Variants in FOXO3 observed in about 807,000 individuals in gnomAD.
FOXO3 encodes forkhead box O3.
In FOXO3, 4 loss-of-function variants were observed where a neutral mutation model predicts 41.9. That is an observed-to-expected ratio of 0.10 (90% CI 0.05 to 0.22). The LOEUF (loss-of-function observed/expected upper bound fraction) is 0.22. FOXO3 is among the 10% of genes least tolerant of loss of function. The pLI is 1.00. For synonymous variants in FOXO3, 318 were observed against 389.3 expected (o/e 0.82, Z 2.16); for missense variants, 534 against 906.8 (o/e 0.59, Z 5.28).
At chr6:108,628,690 C>T (rs1404734425) in intron 1 of FOXO3, among the ~76,000 whole-genome samples, 2 of 152,090 alleles carry the variant, frequency 1.3e-5, no homozygotes, top group Non-Finnish European at 2.9e-5. Context: ...AAGTTCTAAG[C>T]AAGTTCAGCA....
At chr6:108,650,246 C>G (rs891739363) in intron 1 of FOXO3, among the ~76,000 whole-genome samples, 1 of 152,168 alleles carries the variant, frequency 6.6e-6, no homozygotes, top group African/African-American at 2.4e-5. Context: ...CCCTGGAGCA[C>G]AGGGACACGT....
intron 1 of FOXO3, among the ~76,000 whole-genome samples, chr6:108,568,390 G>A (rs1002256701): frequency 6.6e-6 from 1 of 152,032 alleles, no homozygotes; most frequent in African/African-American, 2.4e-5. Context: ...CACTGGAGTC[G>A]CTGTGTTTCT....
chr6:108,610,436 T>G (rs772446514), intron 1 of FOXO3, among the ~76,000 whole-genome samples: 1 of 152,206 alleles, frequency 6.6e-6, no homozygotes, highest in Non-Finnish European at 1.5e-5. Context: ...GTGAAAGTCA[T>G]GGGACTGGAC....
chr6:108,561,649 G>C lies in FOXO3; in HGVS notation c.441G>C (p.Pro147=). Residue 147 remains proline (P), a synonymous_variant, in exon 1 of 3, where the codon CCG becomes CCC. Transcript: ENST00000406360. The part of the protein sequence containing the change: ...QPGAAGGSGQ[P]RKCSSRRNAW... ...GGGCGGCTGGGGGCTCCGGGCAGCCGAGGAAATGTTCGTCGCGGCGGAACG... is the reference window on the plus strand; with the variant it reads ...GGGCGGCTGGGGGCTCCGGGCAGCCCAGGAAATGTTCGTCGCGGCGGAACG... 8 of 1,591,710 alleles carry C rather than the reference G, an allele frequency of 5.0e-6. No homozygotes were observed. Among genetic ancestry groups the C allele is most frequent in the Non-Finnish European group, 6.8e-6 (8 of 1,169,710 alleles).
chr6:108,640,320 A>C (rs1778223455), intron 1 of FOXO3, among the ~76,000 whole-genome samples: 1 of 152,216 alleles, frequency 6.6e-6, no homozygotes, highest in South Asian at 2.1e-4. Flanking sequence ...GCAACAGTAC[A>C]TACAGGCTGA....
At chr6:108,563,824 T>C (rs1484799540) in intron 1 of FOXO3, among the ~76,000 whole-genome samples, 4 of 152,158 alleles carry the variant, frequency 2.6e-5, no homozygotes, top group Non-Finnish European at 5.9e-5. Flanking sequence ...CATGAGATAA[T>C]GGTATTACCA....
intron 1 of FOXO3, among the ~76,000 whole-genome samples, chr6:108,619,397 A>G (rs552107355): frequency 1.3e-5 from 2 of 152,302 alleles, no homozygotes; most frequent in South Asian, 4.1e-4. Flanking sequence ...TTAAATACCA[A>G]CTAAGTGCTT....
chr6:108,562,440 C>A (rs977869835), intron 1 of FOXO3, among the ~76,000 whole-genome samples: 1 of 152,050 alleles, frequency 6.6e-6, no homozygotes, highest in Non-Finnish European at 1.5e-5. Flanking sequence ...TATATTGATA[C>A]CTTTTCTTCT....
intron 1 of FOXO3, among the ~76,000 whole-genome samples, chr6:108,564,302 T>C (rs1307878360): frequency 6.6e-6 from 1 of 152,222 alleles, no homozygotes; most frequent in Admixed American, 6.5e-5. Context: ...TTTTTGTGTG[T>C]GCTTGTGGTT....
chr6:108,647,855 T>A (rs898450876), intron 1 of FOXO3, among the ~76,000 whole-genome samples: 1 of 152,318 alleles, frequency 6.6e-6, no homozygotes, highest in South Asian at 2.1e-4. Context: ...AATTAACTCT[T>A]TTTTTGGAAA....
chr6:108,563,898 C>T (rs1055943699), intron 1 of FOXO3, among the ~76,000 whole-genome samples: 2 of 151,236 alleles, frequency 1.3e-5, no homozygotes, highest in South Asian at 4.2e-4. Flanking sequence ...ACTTGCAATA[C>T]AGATTTTGGG....
chr6:108,619,291 T>C (rs928653051), intron 1 of FOXO3, among the ~76,000 whole-genome samples: 1 of 152,238 alleles, frequency 6.6e-6, no homozygotes, highest in African/African-American at 2.4e-5. Context: ...ACTTAGGACA[T>C]TTGTGATTTG....
intron 1 of FOXO3, among the ~76,000 whole-genome samples, chr6:108,607,447 CAA>C (rs36097684): frequency 3.2e-4 from 28 of 87,184 alleles, no homozygotes; most frequent in Admixed American, 5.3e-4. Flanking sequence ...GAGACTATCT[CAA>C]AAAAAAAAAA....
chr6:108,622,847 G>A (rs1258693057), intron 1 of FOXO3, among the ~76,000 whole-genome samples: 1 of 152,048 alleles, frequency 6.6e-6, no homozygotes, highest in South Asian at 2.1e-4. Context: ...CAAGAGAGCC[G>A]GGCCTCCCGT....
At chr6:108,582,657 A>G (rs1776452158) in intron 1 of FOXO3, among the ~76,000 whole-genome samples, 1 of 151,562 alleles carries the variant, frequency 6.6e-6, no homozygotes, top group Admixed American at 6.6e-5. Flanking sequence ...TTTTTTCCCC[A>G]AGGAGACAGT....
intron 1 of FOXO3, among the ~76,000 whole-genome samples, chr6:108,660,568 G>C (rs1778814372): frequency 1.3e-5 from 2 of 152,158 alleles, no homozygotes. Flanking sequence ...GACATTCTGT[G>C]TTTTTAAAAC....
chr6:108,568,510 T>C (rs922343578), intron 1 of FOXO3, among the ~76,000 whole-genome samples: 1 of 152,230 alleles, frequency 6.6e-6, no homozygotes, highest in Non-Finnish European at 1.5e-5. Context: ...TTTTGTCATT[T>C]TGCTAAGACT....
At chr6:108,612,113 A>G (rs1243907648) in intron 1 of FOXO3, among the ~76,000 whole-genome samples, 2 of 152,148 alleles carry the variant, frequency 1.3e-5, no homozygotes, top group Admixed American at 1.3e-4. Flanking sequence ...TTCTAGATCT[A>G]GTCATCTTTA....
intron 2 of FOXO3, among the ~76,000 whole-genome samples, chr6:108,677,259 G>A (rs921045429): frequency 1.3e-5 from 2 of 152,346 alleles, no homozygotes; most frequent in African/African-American, 4.8e-5. Flanking sequence ...GGAGTTCTCT[G>A]AAGATTGGGG....
Sources: allele counts gnomAD v4.1 joint callset (sites outside exome capture counted in the v4.1 genomes callset), GRCh38; gene constraint gnomAD v4.1.1; transcripts MANE v1.5; gene names NCBI Gene and HGNC (gene_info 2026-07-23, HGNC 2026-07-21).